Variants in PRKN observed in about 807,000 individuals in gnomAD.
The protein encoded by PRKN is E3 ubiquitin-protein ligase parkin.
PRKN carries 56 observed loss-of-function variants against 59.5 expected under a neutral mutation model. The observed-to-expected ratio is 0.94, with a 90% CI of 0.76 to 1.18. The LOEUF is 1.18. Among genes scored for constraint, PRKN ranks in the 50% most tolerant of loss-of-function variants. The probability of loss-of-function intolerance (pLI) is 0.00; values close to 1 mark genes in which losing one functional copy is unlikely to be tolerated. For missense variants in PRKN, 657 were observed against 596.4 expected (o/e 1.10, Z -1.06); for synonymous variants, 250 against 222.1 (o/e 1.13, Z -1.12).
chr6:161,665,639 C>T (rs1014500331), intron 7 of PRKN, among the ~76,000 whole-genome samples: 1 of 152,204 alleles, frequency 6.6e-6, no homozygotes, highest in African/African-American at 2.4e-5. Context: ...ACATCAAAAT[C>T]TCCTTTGGAA....
intron 7 of PRKN, among the ~76,000 whole-genome samples, chr6:161,706,403 G>A (rs573295118): frequency 3.3e-5 from 5 of 152,228 alleles, no homozygotes; most frequent in East Asian, 3.9e-4. Flanking sequence ...ATAACACCCC[G>A]GGTTCACGCC....
rs1306525108 is a variant in PRKN, at chr6:161,376,316, C to T, written c.1167+10478G>A. Reference sequence around the variant, plus strand: ...TCCTCTGAGGTGGTCTAGGCATCCACTCCTTTCCCCACTGAACCCCTAGCT... The same window carrying T: ...TCCTCTGAGGTGGTCTAGGCATCCATTCCTTTCCCCACTGAACCCCTAGCT... On this transcript the variant is annotated intron_variant, in intron 10 of 11. Coordinates refer to ENST00000366898, the MANE Select transcript of PRKN (RefSeq NM_004562.3). This position sits in a 1 kb window ranked among gnomAD's most constrained non-coding sequence, Gnocchi z 7.3. 6.6e-6 allele frequency among the ~76,000 whole-genome samples: 1 copy of T among 152,182 alleles called. No homozygotes were observed. The highest frequency in any genetic ancestry group is 1.5e-5 in the Non-Finnish European group (1 of 68,044).
At chr6:161,743,386 T>TTTTATTTATTTA (rs372492770) in intron 7 of PRKN, among the ~76,000 whole-genome samples, 5,545 of 140,222 alleles carry the variant, frequency 0.04, 124 homozygotes, top group African/African-American at 0.057. Flanking sequence ...CATCCAGCTT[T>TTTTATTTATTTA]TTTATTTATT....
At chr6:161,903,639 A>T (rs993636575) in intron 6 of PRKN, among the ~76,000 whole-genome samples, 19 of 152,220 alleles carry the variant, frequency 1.2e-4, no homozygotes, top group South Asian at 2.1e-4. Flanking sequence ...TTTATTCCTA[A>T]CAAAACCTAC....
chr6:161,572,538 T>C (rs1780930316), intron 7 of PRKN, among the ~76,000 whole-genome samples: 1 of 152,120 alleles, frequency 6.6e-6, no homozygotes, highest in South Asian at 2.1e-4. Flanking sequence ...CGGGCATCTG[T>C]AATCCCAGCT....
At chr6:162,072,192 G>A (rs900497405) in intron 4 of PRKN, among the ~76,000 whole-genome samples, 4 of 152,084 alleles carry the variant, frequency 2.6e-5, no homozygotes, top group Admixed American at 1.3e-4. Context: ...GGAGGCTGAG[G>A]TAGGGGAATC....
At chr6:161,861,334 C>T (rs1406916935) in intron 6 of PRKN, among the ~76,000 whole-genome samples, 1 of 152,064 alleles carries the variant, frequency 6.6e-6, no homozygotes, top group Non-Finnish European at 1.5e-5. Context: ...AACAGAAAAC[C>T]AAACAATGCA....
chr6:161,575,854 C>A lies in PRKN; in HGVS notation c.872-6438G>T, dbSNP rs897761000. Among the ~76,000 whole-genome samples the A allele has an allele frequency of 2.0e-5, 3 of 152,092 alleles. No homozygotes were observed. The highest frequency in any genetic ancestry group is 4.4e-5 in the Non-Finnish European group (3 of 68,022). On this transcript the variant is annotated intron_variant, in intron 7 of 11. Coordinates refer to ENST00000366898, the MANE Select transcript of PRKN (RefSeq NM_004562.3). The surrounding 1 kb of genome is among the most constrained non-coding windows in gnomAD (Gnocchi z 4.6). ...TGACCTTCTATTTCCCCCCTAAGTA[C>A]AACTTAGAAAAGGAAACCGACTAAC...
intron 6 of PRKN, among the ~76,000 whole-genome samples, chr6:161,949,028 T>C (rs986239977): frequency 5.9e-5 from 9 of 152,192 alleles, no homozygotes; most frequent in Non-Finnish European, 1.2e-4. Flanking sequence ...AGAAGTGGAC[T>C]GCAGGGCTGC....
intron 4 of PRKN, among the ~76,000 whole-genome samples, chr6:162,122,716 T>TTCTTTCTATCTATCTATCTA (rs1554274005): frequency 6.8e-6 from 1 of 147,804 alleles, no homozygotes; most frequent in African/African-American, 2.5e-5. Flanking sequence ...GCTCAATCTG[T>TTCTTTCTATCTATCTATCTA]TCTATCTATC....
intron 7 of PRKN, among the ~76,000 whole-genome samples, chr6:161,637,101 G>C (rs1223342460): frequency 6.6e-6 from 1 of 152,234 alleles, no homozygotes; most frequent in Admixed American, 6.5e-5. Context: ...GTTGGTGGAA[G>C]AGGTAAGATG....
In PRKN at chr6:162,279,581, G is replaced by T. The variant is rs184111642; in HGVS notation, c.172-16816C>A. On this transcript the variant is annotated intron_variant, in intron 2 of 11. Transcript: ENST00000366898. The stretch of plus-strand genomic sequence containing the variant: ...TTATGATTTCTGTTCTTTTGCATTT[G>T]CTGAGGAGTGTTTTACTTCCAATTA... Among the ~76,000 whole-genome samples the T allele has an allele frequency of 2.2e-3, 336 of 152,272 alleles. 2 individuals carry two copies. The highest frequency in any genetic ancestry group is 0.01 in the Middle Eastern group (3 of 292).
Position 162,375,122 on chromosome 6 carries a change from T to C in PRKN, c.171+68188A>G, listed in dbSNP as rs186746507. ...TTCTTATGGAGTCTATTATGAGGGA[T>C]GCATTTATAATGACTGTCCCATTTA... On this transcript the variant is annotated intron_variant, in intron 2 of 11. Coordinates refer to ENST00000366898, the MANE Select transcript of PRKN (RefSeq NM_004562.3). 1.6e-4 allele frequency among the ~76,000 whole-genome samples: 25 copies of C among 152,254 alleles called. No homozygotes were observed. In the East Asian group the frequency reaches 4.6e-3, roughly 28 times the overall value.
At chr6:161,848,352 CA>C (rs1793285353) in intron 6 of PRKN, among the ~76,000 whole-genome samples, 1 of 151,772 alleles carries the variant, frequency 6.6e-6, no homozygotes, top group African/African-American at 2.4e-5. Flanking sequence ...GATATAGCAT[CA>C]AAAAAAGGCT....
At chr6:161,974,834 C>T (rs182164505) in intron 5 of PRKN, among the ~76,000 whole-genome samples, 12 of 152,266 alleles carry the variant, frequency 7.9e-5, no homozygotes, top group Admixed American at 5.2e-4. Flanking sequence ...CCAGATATTA[C>T]GCATTAAGTG....
At chr6:161,640,500 A>G (rs1331497052) in intron 7 of PRKN, among the ~76,000 whole-genome samples, 1 of 152,214 alleles carries the variant, frequency 6.6e-6, no homozygotes, top group Non-Finnish European at 1.5e-5. Context: ...AACTGGTATG[A>G]AACAAGAGAC....
At chr6:162,416,858 A>G (rs1434609375) in intron 2 of PRKN, among the ~76,000 whole-genome samples, 1 of 152,202 alleles carries the variant, frequency 6.6e-6, no homozygotes, top group Non-Finnish European at 1.5e-5. Context: ...ATATACTAAA[A>G]TGAATCAACT....
chr6:162,334,392 C>G (rs191431825), intron 2 of PRKN, among the ~76,000 whole-genome samples: 14 of 152,298 alleles, frequency 9.2e-5, no homozygotes, highest in Admixed American at 2.6e-4. Flanking sequence ...AAAGCCAATG[C>G]TCATTTCCAT....
intron 9 of PRKN, among the ~76,000 whole-genome samples, chr6:161,492,466 C>T (rs1294792450): frequency 6.6e-6 from 1 of 152,190 alleles, no homozygotes; most frequent in African/African-American, 2.4e-5. Flanking sequence ...GTGAAAAGTT[C>T]CTGGGGGTTT....
Sources: gnomAD v4.1 joint callset for allele counts (sites outside exome capture counted in the v4.1 genomes callset) on GRCh38, gnomAD v4.1.1 for gene constraint, Gnocchi (gnomAD v3.1) non-coding constraint, MANE v1.5 for transcripts, NCBI Gene and HGNC (gene_info 2026-07-23, HGNC 2026-07-21) for gene names.